The following SRD5A3 variants were observed in gnomAD, a reference collection of about 807,000 sequenced individuals.
SRD5A3 encodes steroid 5 alpha-reductase 3, also known as polyprenal reductase.
SRD5A3 carries 24 observed loss-of-function variants against 34.3 expected under a neutral mutation model. The observed-to-expected ratio is 0.70, with a 90% CI of 0.51 to 0.99. The LOEUF (loss-of-function observed/expected upper bound fraction) is 0.99. SRD5A3 is among the 50% of genes least tolerant of loss of function. The pLI is 0.00. For missense variants in SRD5A3, 350 were observed against 388.2 expected, an observed-to-expected ratio of 0.90 and a Z score of 0.83; for synonymous variants, 161 against 167.3, an observed-to-expected ratio of 0.96 and a Z score of 0.29.
At chr4:55,366,841 T>C (rs1020003383) in intron 3 of SRD5A3, 2 of 152,346 alleles carry the variant, frequency 1.3e-5, no homozygotes, top group African/African-American at 4.8e-5. Flanking sequence ...CTGAAGCCAG[T>C]GGTTTGCTCC....
chr4:55,367,521 A>G (rs1160384278), intron 3 of SRD5A3, 67 bp from the exon 4 acceptor site: 1 of 1,577,252 alleles, frequency 6.3e-7, no homozygotes, highest in Non-Finnish European at 8.7e-7. Context: ...TGCTGACTAA[A>G]TGATTTGTTT....
chr4:55,359,269 A>G (rs920620316), intron 1 of SRD5A3, 77 bp from the exon 2 acceptor site: 16 of 1,592,228 alleles, frequency 1.0e-5, no homozygotes, highest in Non-Finnish European at 1.3e-5. Context: ...AGACAGAGAA[A>G]CTAAAAATAA....
intron 1 of SRD5A3, among the ~76,000 whole-genome samples, chr4:55,353,669 A>G (rs1398324350): frequency 1.3e-5 from 2 of 152,166 alleles, no homozygotes; most frequent in Non-Finnish European, 2.9e-5. Context: ...TCACTCCTGA[A>G]GTCAGCGAGA....
intron 1 of SRD5A3, among the ~76,000 whole-genome samples, chr4:55,347,907 A>C (rs1719054351): frequency 6.6e-6 from 1 of 152,202 alleles, no homozygotes; most frequent in Admixed American, 6.5e-5. Flanking sequence ...TTAAGCAAAA[A>C]TTACCTGTTA....
intron 1 of SRD5A3, among the ~76,000 whole-genome samples, chr4:55,353,989 C>T (rs1015000145): frequency 1.9e-4 from 29 of 152,352 alleles, no homozygotes; most frequent in African/African-American, 7.0e-4. Context: ...GACATTAAAG[C>T]ATTTAGCACA....
intron 2 of SRD5A3, among the ~76,000 whole-genome samples, chr4:55,360,467 C>T (rs1719640049): frequency 6.6e-6 from 1 of 151,004 alleles, no homozygotes. Context: ...GATTGAGCTA[C>T]TGCACTCCAC....
intron 1 of SRD5A3, among the ~76,000 whole-genome samples, chr4:55,354,777 A>G (rs1048934476): frequency 6.6e-6 from 1 of 152,194 alleles, no homozygotes. Flanking sequence ...TCTCAGTAGC[A>G]GTTATCACCT....
chr4:55,359,445 G>C lies in SRD5A3; in HGVS notation c.321G>C (p.Trp107Cys). 1 of 1,613,782 alleles carries C rather than the reference G, an allele frequency of 6.2e-7. No individual in the cohort carries two copies. The highest frequency in any genetic ancestry group is 8.5e-7 in the Non-Finnish European group (1 of 1,179,980). Residue 107 changes from tryptophan (W) to cysteine (C), a missense_variant, in exon 2 of 5, where the codon TGG becomes TGC. This residue lies in a region of SRD5A3 where 159 missense variants were observed against 149.1 expected (regional missense o/e 1.07). Coordinates refer to ENST00000264228, the MANE Select transcript of SRD5A3 (RefSeq NM_024592.5). ...SLFLGAPFPSWLHGLLRILGA... is the reference protein window; with the variant it reads ...SLFLGAPFPSCLHGLLRILGA... The stretch of plus-strand genomic sequence containing the variant: ...TCCTGGGAGCACCTTTTCCAAGCTG[G>C]CTTCATGGTTTGCTCAGAATTCTCG...
chr4:55,352,879 G>T (rs1250320479), intron 1 of SRD5A3, among the ~76,000 whole-genome samples: 1 of 152,194 alleles, frequency 6.6e-6, no homozygotes, highest in African/African-American at 2.4e-5. Context: ...AATCCAGCAG[G>T]GTTATTTGAT....
chr4:55,348,458 GGAGGTAA>G (rs1229131082), intron 1 of SRD5A3, among the ~76,000 whole-genome samples: 9 of 152,314 alleles, frequency 5.9e-5, no homozygotes, highest in Non-Finnish European at 7.3e-5. Flanking sequence ...AGAGTTGGGT[GGAGGTAA>G]GAGTCTATGG....
rs746726949 is a variant in SRD5A3, at chr4:55,369,985, T to C, written c.851T>C (p.Val284Ala). The change falls in exon 5 of 5, where the codon GTC becomes GCC. Residue 284 changes from valine (V) to alanine (A), a missense_variant. Physicochemically the swap from Val to Ala is moderately conservative, Grantham distance 64. Around this residue, in one of 3 missense-constraint regions of SRD5A3, gnomAD observed 186 missense variants for 221.4 expected, o/e 0.84. Transcript: ENST00000264228. ...NLTWWLVVTN[V>A]FFNQALSAFL... ...ACTTGGTGGCTAGTGGTGACAAATGTCTTCTTTAATCAGGCCCTGTCTGCC... is the reference window on the plus strand; with the variant it reads ...ACTTGGTGGCTAGTGGTGACAAATGCCTTCTTTAATCAGGCCCTGTCTGCC... 6.2e-7 allele frequency: 1 copy of C among 1,614,172 alleles called. No homozygotes were observed. Among genetic ancestry groups the C allele is most frequent in the Non-Finnish European group, 8.5e-7 (1 of 1,180,022 alleles).
At chr4:55,367,748 A>G in intron 4 of SRD5A3, 26 bp downstream of exon 4, 1 of 1,613,900 alleles carries the variant, frequency 6.2e-7, no homozygotes, top group Non-Finnish European at 8.5e-7. Context: ...GAGCCTCTGC[A>G]TATGGATTTT....
At position 55,367,559 on chromosome 4, in the gene SRD5A3, G is replaced by A. The variant is rs186232206; in HGVS notation, c.563-29G>A. On this transcript the variant is annotated intron_variant, in intron 3 of 4. Transcript: ENST00000264228. ...TTCCCTGAGCCTGTGAAATTGTTTAGTGTTGGCTAACAATTCTCATTCCTA... is the reference window on the plus strand; with the variant it reads ...TTCCCTGAGCCTGTGAAATTGTTTAATGTTGGCTAACAATTCTCATTCCTA... 249 of 1,612,696 alleles carry A rather than the reference G, an allele frequency of 1.5e-4. No homozygotes were observed. In the African/African-American group the frequency reaches 3.0e-3, roughly 19 times the overall value.
At chr4:55,367,397 TG>T (rs534315732) in intron 3 of SRD5A3, among the ~76,000 whole-genome samples, 190 bp from the exon 4 acceptor site, 92 of 152,324 alleles carry the variant, frequency 6.0e-4, no homozygotes, top group African/African-American at 2.2e-3. Flanking sequence ...CCCTCTGTAT[TG>T]GGAAATTACA....
At chr4:55,364,511 G>A in intron 3 of SRD5A3, 1 of 512,538 alleles carries the variant, frequency 2.0e-6, no homozygotes, top group South Asian at 2.0e-5. Context: ...AGGAGTTCGA[G>A]ACCAGCCTGG....
intron 2 of SRD5A3, among the ~76,000 whole-genome samples, chr4:55,360,421 G>A (rs1418360476): frequency 2.0e-5 from 3 of 151,698 alleles, no homozygotes; most frequent in South Asian, 2.1e-4. Context: ...CAGGAGAATC[G>A]CTTGAACCTG....
At chr4:55,364,361 T>C in intron 3 of SRD5A3, 90 bp downstream of exon 3, 1 of 1,431,924 alleles carries the variant, frequency 7.0e-7, no homozygotes, top group South Asian at 1.2e-5. Flanking sequence ...TTATGAGACA[T>C]GCAGAAGTAA....
intron 1 of SRD5A3, 67 bp downstream of exon 1, chr4:55,346,624 G>T: frequency 7.0e-7 from 1 of 1,428,046 alleles, no homozygotes; most frequent in Non-Finnish European, 9.3e-7. Flanking sequence ...CCCGGCTCGC[G>T]GGCAGCCAGC....
intron 1 of SRD5A3, among the ~76,000 whole-genome samples, chr4:55,353,540 C>T (rs1719286658): frequency 6.6e-6 from 1 of 152,188 alleles, no homozygotes; most frequent in South Asian, 2.1e-4. Flanking sequence ...ACTGGGGGTC[C>T]CCTTCTACCC....
Sources: gnomAD v4.1 joint callset for allele counts (sites outside exome capture counted in the v4.1 genomes callset) on GRCh38, gnomAD v4.1.1 for gene constraint, gnomAD v4.1.1 regional missense constraint, MANE v1.5 for transcripts, NCBI Gene and HGNC (gene_info 2026-07-23, HGNC 2026-07-21) for gene names.